PCSK2: variants seen among roughly 807,000 people sequenced by gnomAD.
The protein encoded by PCSK2 is neuroendocrine convertase 2.
In PCSK2, 14 loss-of-function variants were observed where a neutral mutation model predicts 69.7. That is an observed-to-expected ratio of 0.20 (90% CI 0.13 to 0.31). The LOEUF (loss-of-function observed/expected upper bound fraction) is 0.31. PCSK2 is among the 10% of genes least tolerant of loss of function. The probability of loss-of-function intolerance (pLI) is 1.00; values close to 1 mark genes in which losing one functional copy is unlikely to be tolerated. For synonymous variants in PCSK2, 307 were observed against 320.7 expected (o/e 0.96, Z 0.46); for missense variants, 544 against 842.5 (o/e 0.65, Z 4.39).
At chr20:17,230,262 T>C (rs1211704437) in intron 1 of PCSK2, among the ~76,000 whole-genome samples, 1 of 142,560 alleles carries the variant, frequency 7.0e-6, no homozygotes, top group Non-Finnish European at 1.6e-5. Context: ...CACAAAAGAT[T>C]CTCAGTGGTT....
At chr20:17,376,925 G>A (rs573171363) in intron 5 of PCSK2, among the ~76,000 whole-genome samples, 3 of 152,204 alleles carry the variant, frequency 2.0e-5, no homozygotes, top group South Asian at 2.1e-4. Context: ...ACCCTCTATC[G>A]ACGATGATCA....
Position 17,236,556 on chromosome 20 carries a change from C to T in PCSK2, c.177+9074C>T, listed in dbSNP as rs114317487. Among the ~76,000 whole-genome samples the T allele has an allele frequency of 6.5e-3, 982 of 152,222 alleles. 12 individuals are homozygous for T. The highest frequency in any genetic ancestry group is 0.022 in the African/African-American group (923 of 41,548). On this transcript the variant is annotated intron_variant, in intron 1 of 11. Transcript: ENST00000262545. ...TTTGTTAGGTATATCATTATTTTTGCATTGTGTTACATATAAATATTAACC... is the reference window on the plus strand; with the variant it reads ...TTTGTTAGGTATATCATTATTTTTGTATTGTGTTACATATAAATATTAACC...
intron 1 of PCSK2, among the ~76,000 whole-genome samples, chr20:17,242,634 G>A (rs1482378099): frequency 6.6e-6 from 1 of 152,172 alleles, no homozygotes; most frequent in Non-Finnish European, 1.5e-5. Context: ...GACCTTCTCA[G>A]ACCATGCTAA....
intron 8 of PCSK2, among the ~76,000 whole-genome samples, chr20:17,449,546 T>TATATATATATATA (rs1442630991): frequency 3.6e-4 from 18 of 49,840 alleles, no homozygotes; most frequent in South Asian, 1.4e-3. Flanking sequence ...ATATGTATAT[T>TATATATATATATA]TGAGACTGAG....
intron 6 of PCSK2, among the ~76,000 whole-genome samples, chr20:17,418,397 T>C (rs909441462): frequency 2.6e-5 from 4 of 152,118 alleles, no homozygotes; most frequent in Non-Finnish European, 5.9e-5. Context: ...GGATATAATC[T>C]GGACAAAGAT....
At chr20:17,334,659 G>A (rs963248247) in intron 2 of PCSK2, among the ~76,000 whole-genome samples, 6 of 152,130 alleles carry the variant, frequency 3.9e-5, no homozygotes, top group Admixed American at 1.3e-4. Context: ...GCCATGAGGG[G>A]TGGAGAACAA....
intron 5 of PCSK2, among the ~76,000 whole-genome samples, chr20:17,379,480 T>C (rs1294689364): frequency 6.6e-6 from 1 of 152,058 alleles, no homozygotes; most frequent in African/African-American, 2.4e-5. Flanking sequence ...TAAAATATGA[T>C]AGAAGATAAA....
chr20:17,279,901 A>T (rs183399561), intron 2 of PCSK2, among the ~76,000 whole-genome samples: 219 of 151,152 alleles, frequency 1.4e-3, no homozygotes, highest in Non-Finnish European at 2.6e-3. Flanking sequence ...TTTTCAAAAC[A>T]ACACTTTTTT....
At chr20:17,307,951 A>G (rs759462066) in intron 2 of PCSK2, among the ~76,000 whole-genome samples, 145 of 152,296 alleles carry the variant, frequency 9.5e-4, no homozygotes, top group Middle Eastern at 3.4e-3. Flanking sequence ...GAAGCTTCCA[A>G]TCATGGCAGA....
At chr20:17,336,108 T>C (rs1312921730) in intron 2 of PCSK2, among the ~76,000 whole-genome samples, 1 of 152,208 alleles carries the variant, frequency 6.6e-6, no homozygotes, top group Non-Finnish European at 1.5e-5. Flanking sequence ...GTTTTAACAC[T>C]GTCACAATTG....
intron 1 of PCSK2, among the ~76,000 whole-genome samples, chr20:17,229,300 C>G (rs1986056119): frequency 6.6e-6 from 1 of 151,618 alleles, no homozygotes; most frequent in African/African-American, 2.4e-5. Flanking sequence ...CTCCTTAGTA[C>G]CCACCCAAGC....
intron 5 of PCSK2, among the ~76,000 whole-genome samples, chr20:17,388,683 G>C (rs2123266863): frequency 6.6e-6 from 1 of 152,246 alleles, no homozygotes; most frequent in East Asian, 1.9e-4. Flanking sequence ...GGAGTCAGCA[G>C]TGAGCTTAAA....
At chr20:17,401,483 A>G (rs1349090761) in intron 5 of PCSK2, among the ~76,000 whole-genome samples, 1 of 152,118 alleles carries the variant, frequency 6.6e-6, no homozygotes, top group Admixed American at 6.5e-5. Flanking sequence ...CCTCCCAAGG[A>G]CCCCACCTCT....
At chr20:17,270,749 A>C (rs6034790) in intron 2 of PCSK2, among the ~76,000 whole-genome samples, 130,722 of 152,094 alleles carry the variant, frequency 0.86, 56,384 homozygotes, top group Admixed American at 0.9. Flanking sequence ...AGAAGCAAAG[A>C]AAAGCAATTA....
rs2031258391 is a variant in PCSK2, at chr20:17,387,174, A to G, written c.543+17897A>G. Reference sequence around the variant, plus strand: ...GTTGTACACGTTGTACATTCCTGAGATATAAAAGAAGGATAGCAATATGCC... The same window carrying G: ...GTTGTACACGTTGTACATTCCTGAGGTATAAAAGAAGGATAGCAATATGCC... On this transcript the variant is annotated intron_variant, in intron 5 of 11. Transcript: ENST00000262545. 2.6e-5 allele frequency among the ~76,000 whole-genome samples: 4 copies of G among 152,204 alleles called. No homozygotes were observed. The South Asian group carries it at 8.3e-4, about 32-fold the overall frequency.
intron 2 of PCSK2, among the ~76,000 whole-genome samples, chr20:17,345,202 G>A (rs914622010): frequency 6.6e-6 from 1 of 152,122 alleles, no homozygotes; most frequent in Non-Finnish European, 1.5e-5. Flanking sequence ...GGCTTTCTTT[G>A]TGCCCCTCAA....
Position 17,347,898 on chromosome 20 carries a change from A to AAAAAG in PCSK2, c.283-10428_283-10427insAAAGA, listed in dbSNP as rs1990715323. ...AAAGAAAGAAAGAAAGAAAGAAAGA[A>AAAAAG]AGAAAGAAAGAAAGAAAGAAAGGAG... On this transcript the variant is annotated intron_variant, in intron 2 of 11. Transcript: ENST00000262545. Among the ~76,000 whole-genome samples the AAAAAG allele has an allele frequency of 3.2e-5, 3 of 93,186 alleles. 1 individual carries two copies. The highest frequency in any genetic ancestry group is 1.3e-4 in the African/African-American group (3 of 23,900). 61.1% of individuals were successfully genotyped at this position (93,186 alleles called of 152,430 possible).
At chr20:17,307,466 G>A (rs1989361391) in intron 2 of PCSK2, among the ~76,000 whole-genome samples, 2 of 152,180 alleles carry the variant, frequency 1.3e-5, no homozygotes, top group African/African-American at 4.8e-5. Flanking sequence ...AAAGGGTGGT[G>A]GTGGCAGTGG....
At position 17,453,699 on chromosome 20, in the gene PCSK2, C is replaced by T; in HGVS notation, c.886-43C>T. 1.2e-6 allele frequency: 2 copies of T among 1,605,542 alleles called. No homozygotes were observed. Among genetic ancestry groups the T allele is most frequent in the South Asian group, 1.1e-5 (1 of 90,926 alleles). ...GGAGACCTCCCCTGCCCCCTCGCAGCCCAGGCTGTGGGTAGCGGCAGCGTC... is the reference window on the plus strand; with the variant it reads ...GGAGACCTCCCCTGCCCCCTCGCAGTCCAGGCTGTGGGTAGCGGCAGCGTC... On this transcript the variant is annotated intron_variant, in intron 8 of 11. Coordinates refer to ENST00000262545, the MANE Select transcript of PCSK2 (RefSeq NM_002594.5). This position sits in a 1 kb window ranked among gnomAD's most constrained non-coding sequence, Gnocchi z 4.0.
Sources: allele counts gnomAD v4.1 joint callset (sites outside exome capture counted in the v4.1 genomes callset), GRCh38; gene constraint gnomAD v4.1.1; non-coding constraint Gnocchi (gnomAD v3.1); transcripts MANE v1.5; gene names NCBI Gene and HGNC (gene_info 2026-07-23, HGNC 2026-07-21).